Variants in SULT1B1 observed in about 807,000 individuals in gnomAD.
SULT1B1 encodes the protein sulfotransferase family 1B member 1, also known as sulfotransferase 1B1.
A neutral mutation model predicts 34.6 loss-of-function variants in SULT1B1; 28 were observed. The ratio of observed to expected loss-of-function variants is 0.81; its 90% CI spans 0.60 to 1.11. The LOEUF (loss-of-function observed/expected upper bound fraction) is 1.11. Ranked by LOEUF, SULT1B1 falls within the 50% of genes least tolerant of loss-of-function variation. SULT1B1 has a pLI of 0.00. For synonymous variants in SULT1B1, 147 were observed against 110.2 expected, an observed-to-expected ratio of 1.33 and a Z score of -2.09; for missense variants, 374 against 352.2, an observed-to-expected ratio of 1.06 and a Z score of -0.50.
chr4:69,756,199 T>C (rs1030478787), intron 1 of SULT1B1, among the ~76,000 whole-genome samples: 6 of 152,224 alleles, frequency 3.9e-5, no homozygotes, highest in Admixed American at 6.5e-5. Context: ...TTTTTCTTTG[T>C]TTAACATCTG....
chr4:69,725,359 A>T lies in SULT1B1; in HGVS notation c.*1729T>A, dbSNP rs1252749791. ...CCAGTTAGAATGGCAATCATTAAAA[A>T]GTCAGGAAACAACAGGTGCTGGAAA... is the stretch of plus-strand genomic sequence containing the variant. On this transcript the variant is annotated 3_prime_UTR_variant, in exon 8 of 8. Transcript: ENST00000310613. The T allele has an allele frequency of 2.0e-5, 3 of 152,220 alleles. No individual in the cohort carries two copies. Among genetic ancestry groups the T allele is most frequent in the Non-Finnish European group, 2.9e-5 (2 of 68,048 alleles). The allele number at this position is 152,220 out of a possible 1,614,324, so 9.4% of individuals were successfully genotyped here. A position where few individuals can be genotyped will look rare whatever the true frequency, so the allele number is the denominator to read the frequency against.
Position 69,724,526 on chromosome 4 carries a change from A to G in SULT1B1, c.*2562T>C, listed in dbSNP as rs182955317. The stretch of plus-strand genomic sequence containing the variant: ...CACAGAATTGGAAAAAACTACTTTA[A>G]AGTTCATAAGAAACCAAAAAAGAGC... On this transcript the variant is annotated 3_prime_UTR_variant, in exon 8 of 8. Transcript: ENST00000310613. 5.4e-4 allele frequency: 83 copies of G among 152,328 alleles called. No homozygotes were observed. Among genetic ancestry groups the G allele is most frequent in the African/African-American group, 1.9e-3 (81 of 41,572 alleles). 9.4% of individuals were successfully genotyped at this position (152,328 alleles called of 1,614,324 possible). A position where few individuals can be genotyped will look rare whatever the true frequency, so the allele number is the denominator to read the frequency against.
chr4:69,729,981 C>G (rs768776598), intron 7 of SULT1B1, among the ~76,000 whole-genome samples: 29 of 152,046 alleles, frequency 1.9e-4, no homozygotes, highest in African/African-American at 2.9e-4. Context: ...AATTTAGACT[C>G]TATGTTACTA....
chr4:69,725,277 T>G lies in SULT1B1; in HGVS notation c.*1811A>C, dbSNP rs1398478267. ...CAACAGACACATGAAAAAATGCTCA[T>G]CATCACTGGCCATCAGGGAAATGCA... On this transcript the variant is annotated 3_prime_UTR_variant, in exon 8 of 8. Coordinates refer to ENST00000310613, the MANE Select transcript of SULT1B1 (RefSeq NM_014465.4). 6.6e-6 allele frequency: 1 copy of G among 151,994 alleles called. No homozygotes were observed. Among genetic ancestry groups the G allele is most frequent in the Admixed American group, 6.6e-5 (1 of 15,252 alleles). The allele number at this position is 151,994 out of a possible 1,614,324, so 9.4% of individuals were successfully genotyped here.
At chr4:69,746,578 T>C (rs1052580662) in intron 4 of SULT1B1, among the ~76,000 whole-genome samples, 3 of 152,176 alleles carry the variant, frequency 2.0e-5, no homozygotes, top group Admixed American at 6.5e-5. Context: ...TCTCAACGTG[T>C]CTATGTTTTC....
chr4:69,737,329 A>G (rs570415763), intron 4 of SULT1B1, among the ~76,000 whole-genome samples: 2 of 152,330 alleles, frequency 1.3e-5, no homozygotes, highest in South Asian at 2.1e-4. Flanking sequence ...TAGCAGACCT[A>G]TCTTATGAAA....
chr4:69,745,048 T>A (rs1718699367), intron 4 of SULT1B1, among the ~76,000 whole-genome samples: 1 of 152,242 alleles, frequency 6.6e-6, no homozygotes, highest in South Asian at 2.1e-4. Flanking sequence ...TTGATAGGGC[T>A]TTTTGGCATT....
intron 3 of SULT1B1, among the ~76,000 whole-genome samples, chr4:69,750,587 T>C (rs1279379877): frequency 1.3e-5 from 2 of 152,208 alleles, no homozygotes; most frequent in Non-Finnish European, 2.9e-5. Context: ...CCACACAAAA[T>C]TGCATCTGAC....
intron 4 of SULT1B1, among the ~76,000 whole-genome samples, chr4:69,734,479 G>C (rs536735187): frequency 6.6e-6 from 1 of 152,144 alleles, no homozygotes; most frequent in East Asian, 1.9e-4. Flanking sequence ...TCGAGCTATA[G>C]ACGTTTTGAA....
chr4:69,734,752 A>C (rs1049485307), intron 4 of SULT1B1, among the ~76,000 whole-genome samples: 5 of 152,162 alleles, frequency 3.3e-5, no homozygotes, highest in African/African-American at 1.2e-4. Flanking sequence ...AGATATTAAA[A>C]GGCATTAAAA....
chr4:69,742,901 A>G (rs1425936397), intron 4 of SULT1B1, among the ~76,000 whole-genome samples: 1 of 152,204 alleles, frequency 6.6e-6, no homozygotes, highest in Non-Finnish European at 1.5e-5. Flanking sequence ...AGCTCTCTGC[A>G]AGGCTGCAGC....
At position 69,727,219 on chromosome 4, in the gene SULT1B1, AC is replaced by A. The variant is rs545589562; in HGVS notation, c.779-20del. 91 of 1,583,358 alleles carry A rather than the reference AC, an allele frequency of 5.7e-5. 1 individual carries two copies. The African/African-American group carries it at 9.3e-4, about 16-fold the overall frequency. On this transcript the variant is annotated intron_variant, in intron 7 of 7. Transcript: ENST00000310613. ...GCCGTCCCTAAAGGTAAATAAAAAAACATAGGAAAGAATAAAATATTTCCAT... is the reference window on the plus strand; with the variant it reads ...GCCGTCCCTAAAGGTAAATAAAAAAAATAGGAAAGAATAAAATATTTCCAT...
chr4:69,737,439 A>G (rs148264593), intron 4 of SULT1B1, among the ~76,000 whole-genome samples: 1 of 152,320 alleles, frequency 6.6e-6, no homozygotes, highest in East Asian at 1.9e-4. Context: ...ATAGAAGTAA[A>G]CATAGTAGCT....
rs1255518234 is a variant in SULT1B1 at position 69,722,772 on chromosome 4, A to T, written c.*4316T>A. On this transcript the variant is annotated 3_prime_UTR_variant, in exon 8 of 8. Transcript: ENST00000310613. ...TGGCTATTCCTGGCTGACAGCGGAG[A>T]TTCACCTGTGAAGTCAAAATACGAT... 6.6e-6 allele frequency: 1 copy of T among 152,006 alleles called. No individual in the cohort carries two copies. Among genetic ancestry groups the T allele is most frequent in the African/African-American group, 2.4e-5 (1 of 41,394 alleles). 9.4% of individuals were successfully genotyped at this position (152,006 alleles called of 1,614,324 possible).
At chr4:69,732,660 G>A (rs1718128699) in intron 6 of SULT1B1, among the ~76,000 whole-genome samples, 1 of 151,294 alleles carries the variant, frequency 6.6e-6, no homozygotes, top group African/African-American at 2.4e-5. Context: ...TGTGTATTTG[G>A]CAATTTAAGT....
intron 3 of SULT1B1, among the ~76,000 whole-genome samples, chr4:69,750,208 G>GT (rs1428462418): frequency 1.3e-5 from 2 of 152,044 alleles, no homozygotes; most frequent in East Asian, 3.9e-4. Context: ...TGCCAAAGAG[G>GT]TATCAATAAC....
chr4:69,733,244 C>T lies in SULT1B1; in HGVS notation c.597+169G>A, dbSNP rs368835601. Reference sequence around the variant, plus strand: ...AGGAATAAAAATAAATAATTCTTTTCACAATTAGAAACTCATTAATTATAG... The same window carrying T: ...AGGAATAAAAATAAATAATTCTTTTTACAATTAGAAACTCATTAATTATAG... On this transcript the variant is annotated intron_variant, in intron 6 of 7. Transcript: ENST00000310613. 7.9e-5 allele frequency among the ~76,000 whole-genome samples: 12 copies of T among 152,152 alleles called. No individual in the cohort carries two copies. The East Asian group carries it at 2.1e-3, about 27-fold the overall frequency.
chr4:69,757,306 A>T (rs1719228763), intron 1 of SULT1B1, among the ~76,000 whole-genome samples: 1 of 152,172 alleles, frequency 6.6e-6, no homozygotes, highest in African/African-American at 2.4e-5. Flanking sequence ...AAATTGCATA[A>T]TATCTTAGAT....
chr4:69,739,066 G>T (rs950838070), intron 4 of SULT1B1, among the ~76,000 whole-genome samples: 2 of 152,180 alleles, frequency 1.3e-5, no homozygotes. Context: ...GACTTTGCAA[G>T]GTACAGCCCC....
Sources: gnomAD v4.1 joint callset for allele counts (sites outside exome capture counted in the v4.1 genomes callset) on GRCh38, gnomAD v4.1.1 for gene constraint, MANE v1.5 for transcripts, NCBI Gene and HGNC (gene_info 2026-07-23, HGNC 2026-07-21) for gene names.